Variants in SH3D19 observed in about 807,000 individuals in gnomAD.
SH3D19 encodes the protein SH3 domain containing 19.
Under a neutral mutation model 112.1 loss-of-function variants are expected in SH3D19, and 58 were observed. The observed-to-expected ratio is 0.52, with a 90% confidence interval of 0.42 to 0.64. SH3D19 has a LOEUF of 0.64. Ranked by LOEUF, SH3D19 falls within the 30% of genes least tolerant of loss-of-function variation. The pLI, the probability that SH3D19 is intolerant of heterozygous loss-of-function variation, is 0.00. For missense variants in SH3D19, 1,090 were observed against 1,263.4 expected, an observed-to-expected ratio of 0.86 and a Z score of 2.08; for synonymous variants, 391 against 448.5, an observed-to-expected ratio of 0.87 and a Z score of 1.62.
intron 17 of SH3D19, among the ~76,000 whole-genome samples, chr4:151,131,654 T>A (rs1022560085): frequency 2.6e-5 from 4 of 151,674 alleles, no homozygotes; most frequent in African/African-American, 4.8e-5. Context: ...ACCCGGCTGA[T>A]TTTTTTTGTA....
intron 1 of SH3D19, among the ~76,000 whole-genome samples, chr4:151,252,126 T>C (rs1040557649): frequency 1.3e-4 from 20 of 152,196 alleles, no homozygotes; most frequent in Admixed American, 2.0e-4. Flanking sequence ...AAGGACACCA[T>C]TGCAGCACTA....
chr4:151,324,773 G>GGGGA (rs1205494768), intron 1 of SH3D19, among the ~76,000 whole-genome samples: 2 of 151,662 alleles, frequency 1.3e-5, no homozygotes, highest in Non-Finnish European at 1.5e-5. Context: ...TCGGCGGCTG[G>GGGGA]GGGAGGGAGG....
At chr4:151,225,423 G>A (rs1338274960) in intron 2 of SH3D19, among the ~76,000 whole-genome samples, 1 of 152,196 alleles carries the variant, frequency 6.6e-6, no homozygotes, top group Non-Finnish European at 1.5e-5. Context: ...ACTCTTCAGT[G>A]TTGGAGAATT....
chr4:151,152,366 T>G (rs1755197272), intron 9 of SH3D19, among the ~76,000 whole-genome samples: 1 of 152,204 alleles, frequency 6.6e-6, no homozygotes, highest in East Asian at 1.9e-4. Context: ...ACTCTGGCTT[T>G]TAATGTGTTT....
intron 2 of SH3D19, among the ~76,000 whole-genome samples, chr4:151,206,906 T>C (rs1438633163): frequency 6.6e-6 from 1 of 152,214 alleles, no homozygotes; most frequent in Admixed American, 6.5e-5. Context: ...TTGAACTCCC[T>C]GCTCATTCAC....
chr4:151,287,902 A>G (rs79791326), intron 1 of SH3D19, among the ~76,000 whole-genome samples: 325 of 152,302 alleles, frequency 2.1e-3, no homozygotes, highest in African/African-American at 7.4e-3. Context: ...TTCAAAAAAT[A>G]AAAAATAAAA....
intron 1 of SH3D19, among the ~76,000 whole-genome samples, chr4:151,276,132 C>T (rs893671415): frequency 6.6e-6 from 1 of 152,096 alleles, no homozygotes; most frequent in African/African-American, 2.4e-5. Flanking sequence ...CATGAGCCAC[C>T]GTGCCTGGCC....
At chr4:151,145,513 T>C (rs1753773577) in intron 11 of SH3D19, among the ~76,000 whole-genome samples, 1 of 152,172 alleles carries the variant, frequency 6.6e-6, no homozygotes, top group Non-Finnish European at 1.5e-5. Context: ...AACTGCAATT[T>C]TCCACTACCT....
chr4:151,122,847 CTT>C (rs760704406), intron 19 of SH3D19, among the ~76,000 whole-genome samples: 9,331 of 120,394 alleles, frequency 0.078, 400 homozygotes, highest in African/African-American at 0.18. Context: ...ATTTTAGAGA[CTT>C]TTTTTTTTTT....
intron 1 of SH3D19, among the ~76,000 whole-genome samples, chr4:151,278,126 A>G (rs2150004323): frequency 6.6e-6 from 1 of 152,350 alleles, no homozygotes; most frequent in South Asian, 2.1e-4. Flanking sequence ...GCAAAATGCC[A>G]ATTCAGTTAA....
chr4:151,138,766 C>A (rs1443140920), intron 13 of SH3D19, among the ~76,000 whole-genome samples: 2 of 151,536 alleles, frequency 1.3e-5, no homozygotes, highest in Admixed American at 6.6e-5. Context: ...AAGTAAGCAG[C>A]TGAGACAACT....
chr4:151,208,924 G>A (rs555607087), intron 2 of SH3D19, among the ~76,000 whole-genome samples: 4 of 151,972 alleles, frequency 2.6e-5, no homozygotes, highest in South Asian at 2.1e-4. Context: ...TGATCCGCCC[G>A]CCTCAGCCTC....
intron 3 of SH3D19, among the ~76,000 whole-genome samples, chr4:151,180,411 C>CTTTTTTTTTTTTTTTTTTT (rs367719721): frequency 7.6e-6 from 1 of 130,768 alleles, no homozygotes. Context: ...ATTTTTTTTT[C>CTTTTTTTTTTTTTTTTTTT]TTTTTTTTTT....
intron 1 of SH3D19, chr4:151,227,757 TACCTGTGGCTAAAGCC>T (rs1484657687): frequency 1.0e-6 from 1 of 985,318 alleles, no homozygotes; most frequent in Non-Finnish European, 1.2e-6. Context: ...CAACAACTCT[TACCTGTGGCTAAAGCC>T]GAGCTAAAAC....
At chr4:151,153,515 G>A (rs1204007323) in intron 9 of SH3D19, among the ~76,000 whole-genome samples, 2 of 152,158 alleles carry the variant, frequency 1.3e-5, no homozygotes, top group Admixed American at 6.5e-5. Context: ...CCAAAGTGCT[G>A]TGAATACAGG....
At chr4:151,273,195 A>G (rs573857874) in intron 1 of SH3D19, among the ~76,000 whole-genome samples, 2 of 152,276 alleles carry the variant, frequency 1.3e-5, no homozygotes, top group African/African-American at 4.8e-5. Context: ...TGAAATATCT[A>G]TTTACAAAAC....
chr4:151,144,863 G>A (rs1404407892), intron 11 of SH3D19, among the ~76,000 whole-genome samples: 3 of 152,168 alleles, frequency 2.0e-5, no homozygotes, highest in African/African-American at 7.2e-5. Context: ...TTGTCCAGGA[G>A]GCTCTGTTCC....
At chr4:151,237,472 T>C (rs1770205691) in intron 1 of SH3D19, among the ~76,000 whole-genome samples, 1 of 152,206 alleles carries the variant, frequency 6.6e-6, no homozygotes. Context: ...AATCAATAAA[T>C]ATTTCAGTAT....
chr4:151,325,396 G>A lies in SH3D19; in HGVS notation c.-44C>T, dbSNP rs926330005. On this transcript the variant is annotated 5_prime_UTR_variant, in exon 1 of 20. Coordinates refer to ENST00000604030, the MANE Select transcript of SH3D19 (RefSeq NM_001378122.1). ...AGCCGCGGGATGGCCAGCGAGCTGC[G>A]GCCCCGGCGCCCCAGAACGCCTGCA... The A allele has an allele frequency of 1.3e-4, 135 of 1,059,918 alleles. No individual in the cohort carries two copies. Among genetic ancestry groups the A allele is most frequent in the Admixed American group, 1.8e-4 (4 of 22,010 alleles). 65.7% of individuals were successfully genotyped at this position (1,059,918 alleles called of 1,614,324 possible). A position where few individuals can be genotyped will look rare whatever the true frequency, so the allele number is the denominator to read the frequency against.
Sources: gnomAD v4.1 joint callset for allele counts (sites outside exome capture counted in the v4.1 genomes callset) on GRCh38, gnomAD v4.1.1 for gene constraint, MANE v1.5 for transcripts, NCBI Gene and HGNC (gene_info 2026-07-23, HGNC 2026-07-21) for gene names.